Variants in PDE11A observed in about 807,000 individuals in gnomAD.
The protein encoded by PDE11A is dual 3',5'-cyclic-AMP and -GMP phosphodiesterase 11A.
In PDE11A, 100 loss-of-function variants were observed where a neutral mutation model predicts 100.5. The ratio of observed to expected loss-of-function variants is 1.00; its 90% CI spans 0.85 to 1.18. The LOEUF is 1.18. Among genes scored for constraint, PDE11A ranks in the 50% most tolerant of loss-of-function variants. The probability of loss-of-function intolerance (pLI) is 0.00; values close to 1 mark genes in which losing one functional copy is unlikely to be tolerated. For synonymous variants in PDE11A, 381 were observed against 420.8 expected (o/e 0.91, Z 1.16); for missense variants, 1,141 against 1,152.6 (o/e 0.99, Z 0.15).
At chr2:178,025,246 G>A (rs918608792) in intron 1 of PDE11A, among the ~76,000 whole-genome samples, 2 of 152,146 alleles carry the variant, frequency 1.3e-5, no homozygotes, top group African/African-American at 4.8e-5. Flanking sequence ...GTTGGAATTG[G>A]AGTATTTTGT....
intron 5 of PDE11A, among the ~76,000 whole-genome samples, chr2:177,862,471 C>T (rs75271438): frequency 0.011 from 1,714 of 151,786 alleles, 25 homozygotes; most frequent in East Asian, 0.075. Flanking sequence ...ACTGTTAGAC[C>T]TAATATATGA....
intron 2 of PDE11A, among the ~76,000 whole-genome samples, chr2:177,965,449 G>A (rs1301787771): frequency 6.6e-6 from 1 of 152,140 alleles, no homozygotes; most frequent in Admixed American, 6.6e-5. Context: ...TCTATGTCCG[G>A]AATAGTGTTT....
intron 2 of PDE11A, among the ~76,000 whole-genome samples, chr2:178,086,346 G>C (rs1422799452): frequency 1.3e-5 from 2 of 151,714 alleles, no homozygotes; most frequent in African/African-American, 2.4e-5. Context: ...TTCAGCATGA[G>C]AGAGTTCTAC....
chr2:177,738,030 C>G (rs73030318), intron 10 of PDE11A, among the ~76,000 whole-genome samples: 1,915 of 152,288 alleles, frequency 0.013, 38 homozygotes, highest in African/African-American at 0.044. Context: ...TTTTTGCCAA[C>G]CACCCTGGTG....
intron 10 of PDE11A, among the ~76,000 whole-genome samples, chr2:177,766,077 A>T (rs1371891139): frequency 1.3e-5 from 2 of 151,696 alleles, no homozygotes; most frequent in Non-Finnish European, 2.9e-5. Context: ...CCATCCTTTA[A>T]CTCAGTGGTC....
intron 2 of PDE11A, among the ~76,000 whole-genome samples, chr2:178,006,469 C>T (rs2086212314): frequency 1.3e-5 from 2 of 152,080 alleles, no homozygotes; most frequent in Admixed American, 6.5e-5. Context: ...TGGACCCTGG[C>T]AGGCAAATTT....
intron 9 of PDE11A, among the ~76,000 whole-genome samples, chr2:177,787,801 A>C (rs533998783): frequency 6.6e-6 from 1 of 152,210 alleles, no homozygotes; most frequent in Non-Finnish European, 1.5e-5. Flanking sequence ...AGGCCATCAC[A>C]TAATGGTAAA....
chr2:178,004,011 A>G (rs774186216), intron 2 of PDE11A, among the ~76,000 whole-genome samples: 50 of 152,208 alleles, frequency 3.3e-4, no homozygotes, highest in Non-Finnish European at 6.2e-4. Flanking sequence ...GTGGAAAATA[A>G]TGCAAACATG....
intron 10 of PDE11A, among the ~76,000 whole-genome samples, chr2:177,744,664 G>T (rs915574373): frequency 4.6e-5 from 7 of 152,292 alleles, no homozygotes; most frequent in African/African-American, 1.7e-4. Context: ...TTTCCTACAT[G>T]TGAGAGGATT....
chr2:177,980,583 A>T (rs866515371), intron 2 of PDE11A, among the ~76,000 whole-genome samples: 1 of 150,896 alleles, frequency 6.6e-6, no homozygotes, highest in South Asian at 2.1e-4. Context: ...ACACAATTCA[A>T]TGCAGATTTA....
At chr2:177,900,933 T>C (rs1025107538) in intron 3 of PDE11A, among the ~76,000 whole-genome samples, 1 of 152,178 alleles carries the variant, frequency 6.6e-6, no homozygotes, top group Non-Finnish European at 1.5e-5. Context: ...TTGCTTCTAA[T>C]CTCCAAACTG....
chr2:178,076,884 G>T (rs987515290), upstream of PDE11A, among the ~76,000 whole-genome samples: 1 of 152,180 alleles, frequency 6.6e-6, no homozygotes, highest in African/African-American at 2.4e-5. Flanking sequence ...TAGGGCCTCA[G>T]TGCTGACTTG....
chr2:177,958,045 C>A (rs999246110), intron 2 of PDE11A, among the ~76,000 whole-genome samples: 1 of 151,824 alleles, frequency 6.6e-6, no homozygotes, highest in Non-Finnish European at 1.5e-5. Context: ...TGCGCGCAAC[C>A]ATGCCCTGCT....
At chr2:177,724,502 G>C (rs555129973) in intron 12 of PDE11A, among the ~76,000 whole-genome samples, 1 of 152,180 alleles carries the variant, frequency 6.6e-6, no homozygotes, top group East Asian at 1.9e-4. Flanking sequence ...GTTGTACGTG[G>C]TGCCAAAATT....
At chr2:177,700,807 G>A (rs1265034711) in intron 14 of PDE11A, among the ~76,000 whole-genome samples, 1 of 152,178 alleles carries the variant, frequency 6.6e-6, no homozygotes, top group Non-Finnish European at 1.5e-5. Context: ...TGTTCCCTTA[G>A]TGCTCTGTAT....
intron 6 of PDE11A, among the ~76,000 whole-genome samples, chr2:177,828,479 A>C (rs934552357): frequency 6.6e-6 from 1 of 152,236 alleles, no homozygotes; most frequent in Non-Finnish European, 1.5e-5. Context: ...GATGGTAAAC[A>C]ATACAAAGAT....
chr2:177,847,094 G>A (rs1054651568), intron 5 of PDE11A, among the ~76,000 whole-genome samples: 5 of 152,104 alleles, frequency 3.3e-5, no homozygotes, highest in African/African-American at 7.2e-5. Context: ...TACTCCTCTT[G>A]TGGCATGCCT....
chr2:177,714,698 C>G (rs1031402960), intron 12 of PDE11A, among the ~76,000 whole-genome samples: 7 of 152,224 alleles, frequency 4.6e-5, no homozygotes, highest in African/African-American at 1.7e-4. Flanking sequence ...CTGAGCCAAC[C>G]AGTATACAAT....
intron 9 of PDE11A, among the ~76,000 whole-genome samples, chr2:177,801,198 C>T (rs191914131): frequency 1.2e-3 from 188 of 152,298 alleles, no homozygotes; most frequent in Admixed American, 4.7e-3. Flanking sequence ...CTGAATGTAT[C>T]CACAGTAGCC....
Sources: allele counts gnomAD v4.1 joint callset (sites outside exome capture counted in the v4.1 genomes callset), GRCh38; gene constraint gnomAD v4.1.1; transcripts MANE v1.5; gene names NCBI Gene and HGNC (gene_info 2026-07-23, HGNC 2026-07-21).